HIVEP3: variants seen among roughly 807,000 people sequenced by gnomAD.
The protein encoded by HIVEP3 is HIVEP zinc finger 3, also known as transcription factor HIVEP3.
In HIVEP3, 49 loss-of-function variants were observed where a neutral mutation model predicts 152.8. The ratio of observed to expected loss-of-function variants is 0.32; its 90% CI spans 0.26 to 0.41. The LOEUF (loss-of-function observed/expected upper bound fraction) is 0.41. HIVEP3 is among the 10% of genes least tolerant of loss of function. The probability of loss-of-function intolerance (pLI) is 1.00; values close to 1 mark genes in which losing one functional copy is unlikely to be tolerated. For missense variants in HIVEP3, 2,790 were observed against 3,103.3 expected (o/e 0.90, Z 2.40); for synonymous variants, 1,269 against 1,289.0 (o/e 0.98, Z 0.33).
intron 1 of HIVEP3, among the ~76,000 whole-genome samples, chr1:41,783,043 C>T (rs1264459990): frequency 6.6e-6 from 1 of 152,186 alleles, no homozygotes; most frequent in Non-Finnish European, 1.5e-5. Context: ...TCCAGGGCTC[C>T]TGGGTTCCTC....
At chr1:41,808,790 T>C in intron 1 of HIVEP3, among the ~76,000 whole-genome samples, 1 of 152,252 alleles carries the variant, frequency 6.6e-6, no homozygotes, top group Non-Finnish European at 1.5e-5. Context: ...AATAGGTTTA[T>C]TCAAACGGCC....
chr1:41,817,294 TCAGA>T (rs1302348234), intron 1 of HIVEP3, among the ~76,000 whole-genome samples: 1 of 152,020 alleles, frequency 6.6e-6, no homozygotes, highest in Non-Finnish European at 1.5e-5. Context: ...GATGGAGACA[TCAGA>T]CAGACAATAA....
chr1:41,831,241 G>C (rs984796801), intron 1 of HIVEP3, among the ~76,000 whole-genome samples: 1 of 152,156 alleles, frequency 6.6e-6, no homozygotes, highest in African/African-American at 2.4e-5. Flanking sequence ...GGGAAGAACT[G>C]GGCTGAGAGT....
intron 1 of HIVEP3, among the ~76,000 whole-genome samples, chr1:41,900,760 T>C (rs2124452931): frequency 6.6e-6 from 1 of 151,914 alleles, no homozygotes; most frequent in East Asian, 1.9e-4. Flanking sequence ...AGGAAATGTG[T>C]GTGGAAAGGC....
intron 1 of HIVEP3, among the ~76,000 whole-genome samples, chr1:41,737,677 T>C (rs893315985): frequency 1.3e-5 from 2 of 152,148 alleles, no homozygotes; most frequent in Non-Finnish European, 2.9e-5. Flanking sequence ...CAAGGTCACG[T>C]GGTTAATTAA....
chr1:41,774,772 T>TTTATTTATTTA (rs1553258883), intron 1 of HIVEP3, among the ~76,000 whole-genome samples: 1 of 143,710 alleles, frequency 7.0e-6, no homozygotes, highest in East Asian at 2.0e-4. Context: ...GCATCTTTTA[T>TTTATTTATTTA]TTTATTTATT....
chr1:41,575,407 C>T (rs1644311054), intron 5 of HIVEP3, 137 bp downstream of exon 5: 3 of 849,598 alleles, frequency 3.5e-6, no homozygotes, highest in Non-Finnish European at 5.6e-6. Context: ...GTGATGTCTG[C>T]TGAAAGGCAT....
intron 1 of HIVEP3, among the ~76,000 whole-genome samples, chr1:41,766,949 A>C (rs1033751632): frequency 3.9e-5 from 6 of 152,114 alleles, no homozygotes; most frequent in Admixed American, 3.9e-4. Context: ...AAGACTCCCC[A>C]AAATTGTCCT....
At chr1:41,576,439 C>T (rs1644328677) in intron 4 of HIVEP3, among the ~76,000 whole-genome samples, 1 of 152,228 alleles carries the variant, frequency 6.6e-6, no homozygotes, top group African/African-American at 2.4e-5. Context: ...ACATCTTCCA[C>T]TATCCCAAGA....
At chr1:41,706,898 G>A (rs977834602) in intron 1 of HIVEP3, among the ~76,000 whole-genome samples, 1 of 152,178 alleles carries the variant, frequency 6.6e-6, no homozygotes, top group African/African-American at 2.4e-5. Flanking sequence ...TTAAGCTATC[G>A]TTCTATAAAG....
chr1:41,677,848 G>A, intron 2 of HIVEP3, among the ~76,000 whole-genome samples: 1 of 152,206 alleles, frequency 6.6e-6, no homozygotes, highest in East Asian at 1.9e-4. Flanking sequence ...AAGGAAAGGG[G>A]CCTGTTAATA....
intron 1 of HIVEP3, among the ~76,000 whole-genome samples, chr1:42,021,557 G>A (rs1645554357): frequency 6.6e-6 from 1 of 152,034 alleles, no homozygotes; most frequent in African/African-American, 2.4e-5. Context: ...AATCTTGGTG[G>A]ACAAGTGAAT....
At chr1:41,962,209 A>C (rs1353175839) in intron 1 of HIVEP3, among the ~76,000 whole-genome samples, 1 of 152,240 alleles carries the variant, frequency 6.6e-6, no homozygotes, top group Non-Finnish European at 1.5e-5. Context: ...TTTACCAAGA[A>C]TGCTCAGGAC....
chr1:41,556,344 T>C (rs1046272417), intron 5 of HIVEP3, among the ~76,000 whole-genome samples: 3 of 152,244 alleles, frequency 2.0e-5, no homozygotes, highest in Admixed American at 1.3e-4. Flanking sequence ...TAGTATCTCA[T>C]TGTAGTTTGG....
chr1:41,707,889 T>C (rs1481219664), intron 1 of HIVEP3, among the ~76,000 whole-genome samples: 2 of 152,244 alleles, frequency 1.3e-5, no homozygotes, highest in Non-Finnish European at 2.9e-5. Flanking sequence ...TCTGCAGCAA[T>C]AGACCTGGCC....
intron 1 of HIVEP3, among the ~76,000 whole-genome samples, chr1:41,727,097 G>C (rs192634160): frequency 6.6e-6 from 1 of 152,360 alleles, no homozygotes; most frequent in African/African-American, 2.4e-5. Context: ...AGGCACAGAA[G>C]ACTGAACTCA....
chr1:41,787,534 TC>T (rs200216614), intron 1 of HIVEP3, among the ~76,000 whole-genome samples: 4,662 of 131,198 alleles, frequency 0.036, 246 homozygotes, highest in African/African-American at 0.16. Flanking sequence ...TTTCTTTCTT[TC>T]TTTTTTTTTT....
chr1:41,629,823 G>A (rs982528486), intron 2 of HIVEP3, among the ~76,000 whole-genome samples: 11 of 152,198 alleles, frequency 7.2e-5, no homozygotes, highest in Non-Finnish European at 1.6e-4. Flanking sequence ...ATACGCGGTT[G>A]GCAGGAATGT....
intron 2 of HIVEP3, among the ~76,000 whole-genome samples, chr1:41,661,291 C>T (rs1645708149): frequency 6.6e-6 from 1 of 152,208 alleles, no homozygotes; most frequent in African/African-American, 2.4e-5. Context: ...CAACTGTGGC[C>T]ACTATGCAGA....
Sources: gnomAD v4.1 joint callset for allele counts (sites outside exome capture counted in the v4.1 genomes callset) on GRCh38, gnomAD v4.1.1 for gene constraint, MANE v1.5 for transcripts, NCBI Gene and HGNC (gene_info 2026-07-23, HGNC 2026-07-21) for gene names.